The following DCC variants were observed in gnomAD, a reference collection of about 807,000 sequenced individuals.
The protein encoded by DCC is netrin receptor DCC.
DCC carries 58 observed loss-of-function variants against 172.5 expected under a neutral mutation model. That is an observed-to-expected ratio of 0.34 (90% CI 0.27 to 0.42). DCC has a LOEUF of 0.42. Ranked by LOEUF, DCC falls within the 10% of genes least tolerant of loss-of-function variation. The pLI is 1.00. For synonymous variants in DCC, 709 were observed against 644.5 expected, an observed-to-expected ratio of 1.10 and a Z score of -1.52; for missense variants, 1,740 against 1,791.0, an observed-to-expected ratio of 0.97 and a Z score of 0.51.
At chr18:52,894,764 C>T (rs986668171) in intron 2 of DCC, among the ~76,000 whole-genome samples, 1 of 152,030 alleles carries the variant, frequency 6.6e-6, no homozygotes, top group Non-Finnish European at 1.5e-5. Context: ...AGCAGTCAGG[C>T]AGAAGATGAA....
At chr18:53,364,193 C>T (rs536677383) in intron 15 of DCC, among the ~76,000 whole-genome samples, 92 of 152,260 alleles carry the variant, frequency 6.0e-4, no homozygotes, top group Non-Finnish European at 1.2e-3. Flanking sequence ...TCTGGGAGAT[C>T]ATTGACACAT....
chr18:52,868,033 G>GTA (rs1555675493), intron 2 of DCC, among the ~76,000 whole-genome samples: 10,165 of 120,008 alleles, frequency 0.085, 530 homozygotes, highest in East Asian at 0.23. Context: ...GTGTATGTGT[G>GTA]TATATATATA....
At chr18:53,188,158 T>C (rs1448031174) in intron 9 of DCC, among the ~76,000 whole-genome samples, 1 of 152,188 alleles carries the variant, frequency 6.6e-6, no homozygotes, top group Non-Finnish European at 1.5e-5. Flanking sequence ...CACTTTAAGA[T>C]AGTAGATTCC....
At chr18:52,546,368 T>C (rs1258484498) in intron 1 of DCC, among the ~76,000 whole-genome samples, 2 of 152,074 alleles carry the variant, frequency 1.3e-5, no homozygotes, top group Non-Finnish European at 1.5e-5. Context: ...GCCACGACAG[T>C]ATACAGCAAA....
At chr18:53,437,607 A>G (rs938140187) in intron 22 of DCC, among the ~76,000 whole-genome samples, 1 of 145,992 alleles carries the variant, frequency 6.8e-6, no homozygotes, top group African/African-American at 2.7e-5. Flanking sequence ...AAAAAAAAAA[A>G]AAAGCTCACA....
rs139723279 is a variant in DCC, at chr18:52,629,110, A to G, written c.92-122944A>G. Among the ~76,000 whole-genome samples the G allele has an allele frequency of 1.4e-4, 21 of 152,318 alleles. 1 individual carries two copies. The East Asian group carries it at 2.9e-3, about 21-fold the overall frequency. The stretch of plus-strand genomic sequence containing the variant: ...CTTTCAAAATTATTCTGTCTTTTCA[A>G]GAACTGGAAGAAATTTGAATTAATC... On this transcript the variant is annotated intron_variant, in intron 1 of 28. Coordinates refer to ENST00000442544, the MANE Select transcript of DCC (RefSeq NM_005215.4).
intron 27 of DCC, among the ~76,000 whole-genome samples, chr18:53,514,773 C>T (rs993075062): frequency 6.9e-4 from 105 of 152,168 alleles, no homozygotes; most frequent in African/African-American, 2.4e-3. Context: ...TCTGAATAGA[C>T]CAATAACAGG....
At chr18:52,964,786 A>G (rs999370097) in intron 5 of DCC, among the ~76,000 whole-genome samples, 1 of 152,180 alleles carries the variant, frequency 6.6e-6, no homozygotes, top group African/African-American at 2.4e-5. Flanking sequence ...GGAGGCCAGA[A>G]GTTGGAAATC....
chr18:53,480,625 A>G lies in DCC; in HGVS notation c.3737-6172A>G, dbSNP rs1371449947. 2.0e-5 allele frequency among the ~76,000 whole-genome samples: 3 copies of G among 152,122 alleles called. No homozygotes were observed. In the East Asian group the frequency reaches 5.8e-4, roughly 29 times the overall value. ...GGATCTGTTGCAGCCTTGCAAATTA[A>G]TTACAATGCCCAACATTTATGGGGT... is the stretch of plus-strand genomic sequence containing the variant. On this transcript the variant is annotated intron_variant, in intron 25 of 28. Transcript: ENST00000442544.
At chr18:53,304,954 T>C (rs1029810732) in intron 12 of DCC, among the ~76,000 whole-genome samples, 3 of 152,130 alleles carry the variant, frequency 2.0e-5, no homozygotes, top group Admixed American at 6.5e-5. Context: ...AATTGAATCA[T>C]GGGGGCAGGT....
intron 2 of DCC, among the ~76,000 whole-genome samples, chr18:52,897,679 T>G (rs1598908963): frequency 6.6e-6 from 1 of 151,442 alleles, no homozygotes; most frequent in Admixed American, 6.6e-5. Flanking sequence ...AGAGGTTCAT[T>G]CATTTGGTCA....
At chr18:53,349,853 A>G (rs900790823) in intron 15 of DCC, among the ~76,000 whole-genome samples, 1 of 152,218 alleles carries the variant, frequency 6.6e-6, no homozygotes, top group Non-Finnish European at 1.5e-5. Flanking sequence ...GTTACAAGTC[A>G]AGATGAGATT....
Position 52,888,323 on chromosome 18 carries a change from T to G in DCC, c.413-17721T>G, listed in dbSNP as rs188411112. ...TTAACAACAAGGACAAAACAGTATG[T>G]GGTCTTCTCAGTGGATAATACAATT... On this transcript the variant is annotated intron_variant, in intron 2 of 28. Transcript: ENST00000442544. Among the ~76,000 whole-genome samples the G allele has an allele frequency of 2.1e-3, 316 of 152,292 alleles. 1 individual carries two copies. The highest frequency in any genetic ancestry group is 7.2e-3 in the African/African-American group (300 of 41,584).
chr18:53,243,921 T>A (rs2056335990), intron 12 of DCC, among the ~76,000 whole-genome samples: 1 of 152,190 alleles, frequency 6.6e-6, no homozygotes, highest in African/African-American at 2.4e-5. Context: ...GCTTATGAAC[T>A]GTCCTCAGAA....
chr18:52,425,179 T>C (rs905854747), intron 1 of DCC, among the ~76,000 whole-genome samples: 15 of 152,182 alleles, frequency 9.9e-5, no homozygotes, highest in African/African-American at 3.4e-4. Flanking sequence ...ATAAGCTATG[T>C]TACAAAATAA....
At chr18:52,482,734 C>A (rs2030019826) in intron 1 of DCC, among the ~76,000 whole-genome samples, 1 of 152,242 alleles carries the variant, frequency 6.6e-6, no homozygotes, top group East Asian at 1.9e-4. Context: ...CATAGATTCT[C>A]AATCCAAAAC....
chr18:53,344,064 C>T (rs1279941884), intron 15 of DCC, among the ~76,000 whole-genome samples: 1 of 151,816 alleles, frequency 6.6e-6, no homozygotes, highest in East Asian at 1.9e-4. Context: ...TTGATCTTGT[C>T]AAAGAAAGAG....
At chr18:52,832,584 C>A (rs904795768) in intron 2 of DCC, among the ~76,000 whole-genome samples, 7 of 152,118 alleles carry the variant, frequency 4.6e-5, no homozygotes, top group Admixed American at 4.6e-4. Flanking sequence ...CAATTTCTTT[C>A]CAAATGTAGT....
intron 11 of DCC, among the ~76,000 whole-genome samples, chr18:53,213,360 A>C (rs2055787703): frequency 6.6e-6 from 1 of 152,098 alleles, no homozygotes; most frequent in Admixed American, 6.6e-5. Flanking sequence ...ATGTTTAAGA[A>C]GTGACTCGGC....
Sources: allele counts gnomAD v4.1 joint callset (sites outside exome capture counted in the v4.1 genomes callset), GRCh38; gene constraint gnomAD v4.1.1; transcripts MANE v1.5; gene names NCBI Gene and HGNC (gene_info 2026-07-23, HGNC 2026-07-21).